Variants in ZWILCH observed in about 807,000 individuals in gnomAD.
ZWILCH encodes zwilch kinetochore protein, also known as protein zwilch homolog.
ZWILCH carries 74 observed loss-of-function variants against 79.9 expected under a neutral mutation model. The ratio of observed to expected loss-of-function variants is 0.93; its 90% confidence interval spans 0.77 to 1.12. The LOEUF (loss-of-function observed/expected upper bound fraction) is 1.12, where lower values mean the gene tolerates loss of function less well. Ranked by LOEUF, ZWILCH falls within the 50% of genes most tolerant of loss-of-function variation. The pLI, the probability that ZWILCH is intolerant of heterozygous loss-of-function variation, is 0.00. For missense variants in ZWILCH, 694 were observed against 687.5 expected (o/e 1.01, Z -0.11); for synonymous variants, 241 against 228.2 (o/e 1.06, Z -0.51).
intron 4 of ZWILCH, among the ~76,000 whole-genome samples, chr15:66,516,010 C>A (rs1192686071): frequency 2.6e-5 from 4 of 152,214 alleles, no homozygotes; most frequent in Non-Finnish European, 5.9e-5. Flanking sequence ...CATGATAAAA[C>A]CCAAATTCCT....
chr15:66,546,636 T>C lies in ZWILCH; in HGVS notation c.1733T>C (p.Phe578Ser). Residue 578 changes from phenylalanine (F) to serine (S), a missense_variant, in exon 18 of 19, where the codon TTC becomes TCC. Coordinates refer to ENST00000307897, the MANE Select transcript of ZWILCH (RefSeq NM_017975.5). ...TLNGSLEERIFFTNMVTCSQV... is the reference protein window; with the variant it reads ...TLNGSLEERISFTNMVTCSQV... ...AACGGTAGCCTGGAAGAAAGGATAT[T>C]CTTTACTAACATGGTTACCTGCAGC... 2 of 1,609,668 alleles carry C rather than the reference T, an allele frequency of 1.2e-6. No homozygotes were observed. Among genetic ancestry groups the C allele is most frequent in the Non-Finnish European group, 1.7e-6 (2 of 1,178,054 alleles).
At chr15:66,537,961 C>T (rs1371077074) in intron 16 of ZWILCH, among the ~76,000 whole-genome samples, 3 of 151,876 alleles carry the variant, frequency 2.0e-5, no homozygotes, top group African/African-American at 7.3e-5. Flanking sequence ...AAAGTATAGC[C>T]AGAAAGGAAA....
chr15:66,535,915 T>C lies in ZWILCH; in HGVS notation c.1342-18T>C. On this transcript the variant is annotated intron_variant, in intron 14 of 18. Coordinates refer to ENST00000307897, the MANE Select transcript of ZWILCH (RefSeq NM_017975.5). ...AGGTGCTTTAAATCTCTATTTTGCTTATATTTTTTCATTCCAGGAATACTT... is the reference window on the plus strand; with the variant it reads ...AGGTGCTTTAAATCTCTATTTTGCTCATATTTTTTCATTCCAGGAATACTT... The C allele has an allele frequency of 6.3e-7, 1 of 1,588,870 alleles. No individual in the cohort carries two copies. Among genetic ancestry groups the C allele is most frequent in the Non-Finnish European group, 8.5e-7 (1 of 1,172,038 alleles).
chr15:66,520,579 A>T lies in ZWILCH; in HGVS notation c.521-11A>T, dbSNP rs748063852. The T allele has an allele frequency of 1.4e-6, 2 of 1,391,030 alleles. No individual in the cohort carries two copies. The highest frequency in any genetic ancestry group is 2.4e-5 in the South Asian group (2 of 82,306). 86.2% of individuals were successfully genotyped at this position (1,391,030 alleles called of 1,614,324 possible). ...TTGTGCCTTTACATTTCTTTCTTTC[A>T]TTTCCTATAGCTGATAAAAATTATT... On this transcript the variant is annotated splice_polypyrimidine_tract_variant and intron_variant, in intron 5 of 18. Coordinates refer to ENST00000307897, the MANE Select transcript of ZWILCH (RefSeq NM_017975.5).
chr15:66,523,242 A>G (rs1346548713), intron 7 of ZWILCH: 2 of 156,356 alleles, frequency 1.3e-5, no homozygotes, highest in Non-Finnish European at 2.8e-5. Context: ...TCTGGCTAGG[A>G]CAGCACACTG....
At chr15:66,505,900 T>C (rs922126790) in intron 1 of ZWILCH, among the ~76,000 whole-genome samples, 3 of 152,232 alleles carry the variant, frequency 2.0e-5, no homozygotes, top group East Asian at 1.9e-4. Context: ...TTTATTCTTA[T>C]GGTGAAGTAC....
At chr15:66,539,130 A>G (rs1464669003) in intron 16 of ZWILCH, among the ~76,000 whole-genome samples, 1 of 151,842 alleles carries the variant, frequency 6.6e-6, no homozygotes, top group Admixed American at 6.6e-5. Context: ...ACCATCATTA[A>G]TCTCTATCTA....
intron 12 of ZWILCH, among the ~76,000 whole-genome samples, chr15:66,530,313 AG>A (rs1354407271): frequency 6.6e-6 from 1 of 152,210 alleles, no homozygotes; most frequent in Non-Finnish European, 1.5e-5. Flanking sequence ...AAATCTTAAT[AG>A]CAGTCACCTC....
intron 17 of ZWILCH, 125 bp downstream of exon 17, chr15:66,540,335 T>C (rs1197250509): frequency 4.6e-6 from 3 of 649,858 alleles, no homozygotes; most frequent in Non-Finnish European, 7.7e-6. Context: ...GCAGATTGTG[T>C]GAGCTCAGGA....
rs1257357493 is a variant in ZWILCH, at chr15:66,505,366, G to C, written c.28G>C (p.Glu10Gln). MWERLNCAA[E>Q]DFYSRLLQKF... ...GTGGGAGCGGCTGAACTGCGCAGCAGAGGACTTTTATTCTCGTCTCCTTCA... is the reference window on the plus strand; with the variant it reads ...GTGGGAGCGGCTGAACTGCGCAGCACAGGACTTTTATTCTCGTCTCCTTCA... Residue 10 changes from glutamate to glutamine, a missense_variant, in exon 1 of 19, where the codon GAG becomes CAG. Coordinates refer to ENST00000307897, the MANE Select transcript of ZWILCH (RefSeq NM_017975.5). 1 of 1,614,174 alleles carries C rather than the reference G, an allele frequency of 6.2e-7. No homozygotes were observed. Among genetic ancestry groups the C allele is most frequent in the South Asian group, 1.1e-5 (1 of 91,070 alleles).
chr15:66,523,543 A>C lies in ZWILCH; in HGVS notation c.748-134A>C, dbSNP rs1483960516. 7 of 618,492 alleles carry C rather than the reference A, an allele frequency of 1.1e-5. No homozygotes were observed. In the East Asian group the frequency reaches 1.8e-4, roughly 16 times the overall value. 38.3% of individuals were successfully genotyped at this position (618,492 alleles called of 1,614,324 possible). ...ATGTTCTAAATGATGTGTTGACCTCATTTTTCAATTCATTGGTCCTTTATG... is the reference window on the plus strand; with the variant it reads ...ATGTTCTAAATGATGTGTTGACCTCCTTTTTCAATTCATTGGTCCTTTATG... On this transcript the variant is annotated intron_variant, in intron 7 of 18. Coordinates refer to ENST00000307897, the MANE Select transcript of ZWILCH (RefSeq NM_017975.5).
At chr15:66,546,535 A>G (rs1167086516) in intron 17 of ZWILCH, 56 bp from the exon 18 acceptor site, 8 of 1,206,346 alleles carry the variant, frequency 6.6e-6, no homozygotes, top group Non-Finnish European at 8.3e-6. Context: ...AGCATTATAC[A>G]TGGTAGAAAA....
intron 17 of ZWILCH, among the ~76,000 whole-genome samples, chr15:66,542,119 G>A (rs1308752321): frequency 6.6e-6 from 1 of 152,164 alleles, no homozygotes; most frequent in Non-Finnish European, 1.5e-5. Context: ...AAAAATTTCT[G>A]CATGGCAAAA....
chr15:66,548,547 G>A lies in ZWILCH; in HGVS notation c.*223G>A. 1 of 1,613,722 alleles carries A rather than the reference G, an allele frequency of 6.2e-7. No homozygotes were observed. On this transcript the variant is annotated 3_prime_UTR_variant, in exon 19 of 19. Coordinates refer to ENST00000307897, the MANE Select transcript of ZWILCH (RefSeq NM_017975.5). ...GAACAGCAGTGATGAGGACACAGAGGGAGCAGACAGTGGGTACCACGATCT... is the reference window on the plus strand; with the variant it reads ...GAACAGCAGTGATGAGGACACAGAGAGAGCAGACAGTGGGTACCACGATCT...
At chr15:66,525,162 C>T (rs952135214) in intron 8 of ZWILCH, among the ~76,000 whole-genome samples, 12 of 152,178 alleles carry the variant, frequency 7.9e-5, no homozygotes, top group African/African-American at 2.7e-4. Flanking sequence ...CGCTAGAAAT[C>T]TCATATTTCA....
intron 7 of ZWILCH, 80 bp downstream of exon 7, chr15:66,521,285 G>T: frequency 6.6e-7 from 1 of 1,514,656 alleles, no homozygotes; most frequent in Non-Finnish European, 8.9e-7. Context: ...GGTGCTCCAT[G>T]CCTCTAGCCT....
At chr15:66,536,955 A>T (rs1331359230) in intron 15 of ZWILCH, among the ~76,000 whole-genome samples, 3 of 152,092 alleles carry the variant, frequency 2.0e-5, no homozygotes, top group African/African-American at 4.8e-5. Flanking sequence ...TTAAAAGTGA[A>T]TGAGATTTGT....
Position 66,515,530 on chromosome 15 carries a change from T to C in ZWILCH, c.206T>C (p.Leu69Ser). ...DIVFIVEKVP[L>S]EKEETSHIEE... Reference sequence around the variant, plus strand: ...TAATTAAGAACATTTTTAAAGCCTTTAGAAAAGGAAGAAACAAGTCATATT... The same window carrying C: ...TAATTAAGAACATTTTTAAAGCCTTCAGAAAAGGAAGAAACAAGTCATATT... Residue 69 changes from leucine to serine, a missense_variant, in exon 4 of 19, where the codon TTA becomes TCA. Leu to Ser is a moderately radical substitution (Grantham distance 145, BLOSUM62 -2). Transcript: ENST00000307897. 1 of 1,596,812 alleles carries C rather than the reference T, an allele frequency of 6.3e-7. No homozygotes were observed. The highest frequency in any genetic ancestry group is 1.3e-5 in the African/African-American group (1 of 74,152).
intron 16 of ZWILCH, among the ~76,000 whole-genome samples, chr15:66,538,545 G>A (rs900668025): frequency 1.3e-5 from 2 of 152,008 alleles, no homozygotes; most frequent in Non-Finnish European, 2.9e-5. Context: ...ACCACACCCG[G>A]CTAATTTTTG....
Sources: gnomAD v4.1 joint callset for allele counts (sites outside exome capture counted in the v4.1 genomes callset) on GRCh38, gnomAD v4.1.1 for gene constraint, MANE v1.5 for transcripts, NCBI Gene and HGNC (gene_info 2026-07-23, HGNC 2026-07-21) for gene names.